Variants in PPM1L observed in about 807,000 individuals in gnomAD.
PPM1L encodes protein phosphatase, Mg2+/Mn2+ dependent 1L.
A neutral mutation model predicts 31.4 loss-of-function variants in PPM1L; 13 were observed. That is an observed-to-expected ratio of 0.41 (90% CI 0.27 to 0.66). PPM1L has a LOEUF of 0.66. PPM1L is among the 30% of genes least tolerant of loss of function. PPM1L has a pLI of 0.29. For synonymous variants in PPM1L, 184 were observed against 175.4 expected (o/e 1.05, Z -0.39); for missense variants, 326 against 453.7 (o/e 0.72, Z 2.56).
At chr3:160,759,914 G>A (rs868756855) in intron 1 of PPM1L, among the ~76,000 whole-genome samples, 4 of 152,128 alleles carry the variant, frequency 2.6e-5, no homozygotes, top group Non-Finnish European at 4.4e-5. Context: ...CCTGTAAGGT[G>A]CACCTTCATC....
intron 2 of PPM1L, among the ~76,000 whole-genome samples, chr3:161,006,999 T>C (rs1717733394): frequency 6.6e-6 from 1 of 152,208 alleles, no homozygotes; most frequent in African/African-American, 2.4e-5. Context: ...TTCTTTCCTT[T>C]ATGCCATTAG....
intron 1 of PPM1L, among the ~76,000 whole-genome samples, chr3:160,871,485 A>C (rs1297262873): frequency 6.6e-6 from 1 of 152,246 alleles, no homozygotes; most frequent in Non-Finnish European, 1.5e-5. Context: ...TGAAGAGATT[A>C]AGATTAGAGA....
At chr3:160,982,789 C>T (rs1451500675) in intron 2 of PPM1L, among the ~76,000 whole-genome samples, 1 of 152,160 alleles carries the variant, frequency 6.6e-6, no homozygotes, top group Non-Finnish European at 1.5e-5. Context: ...AAATCTCCAC[C>T]TCTGATTCTC....
intron 1 of PPM1L, among the ~76,000 whole-genome samples, chr3:160,947,546 A>G (rs887803365): frequency 2.6e-5 from 4 of 152,000 alleles, no homozygotes; most frequent in African/African-American, 7.2e-5. Flanking sequence ...CAACCAGGCT[A>G]TTTAGGTTCT....
chr3:160,828,638 G>A (rs1713423358), intron 1 of PPM1L, among the ~76,000 whole-genome samples: 1 of 152,084 alleles, frequency 6.6e-6, no homozygotes, highest in Admixed American at 6.6e-5. Context: ...GTTTTGGTAG[G>A]AAGTGAGCGT....
At chr3:161,063,959 A>T (rs1165669067) in intron 2 of PPM1L, among the ~76,000 whole-genome samples, 1 of 152,144 alleles carries the variant, frequency 6.6e-6, no homozygotes, top group African/African-American at 2.4e-5. Flanking sequence ...CGTAAGTGGG[A>T]GTTGAACAAT....
intron 2 of PPM1L, among the ~76,000 whole-genome samples, chr3:161,032,690 TC>T (rs1385672366): frequency 9.1e-6 from 1 of 109,386 alleles, no homozygotes; most frequent in Non-Finnish European, 1.7e-5. Flanking sequence ...TACAGAGAAG[TC>T]CTTTTTTTTT....
intron 1 of PPM1L, among the ~76,000 whole-genome samples, chr3:160,886,797 G>A (rs1452843115): frequency 2.6e-5 from 4 of 152,052 alleles, no homozygotes; most frequent in Non-Finnish European, 1.5e-5. Flanking sequence ...AGGCCAGAGG[G>A]CCTCTTTTCC....
chr3:160,793,030 A>G (rs550823120), intron 1 of PPM1L, among the ~76,000 whole-genome samples: 1 of 152,194 alleles, frequency 6.6e-6, no homozygotes, highest in Non-Finnish European at 1.5e-5. Context: ...TAAAGTGCCT[A>G]TCATATCAAG....
chr3:160,901,018 T>C (rs1219841900), intron 1 of PPM1L, among the ~76,000 whole-genome samples: 2 of 152,158 alleles, frequency 1.3e-5, no homozygotes, highest in African/African-American at 4.8e-5. Context: ...ACACTATTTC[T>C]TGACTTGCTT....
chr3:160,868,973 G>C (rs1712199261), intron 1 of PPM1L, among the ~76,000 whole-genome samples: 4 of 152,128 alleles, frequency 2.6e-5, no homozygotes, highest in Admixed American at 2.6e-4. Flanking sequence ...CTCATTTTCA[G>C]GGAAGCCTCT....
intron 1 of PPM1L, among the ~76,000 whole-genome samples, chr3:160,869,977 A>G (rs1712245168): frequency 6.6e-6 from 1 of 151,954 alleles, no homozygotes; most frequent in Non-Finnish European, 1.5e-5. Flanking sequence ...GCTCTTGTCC[A>G]GCTGCCACTG....
intron 1 of PPM1L, among the ~76,000 whole-genome samples, chr3:160,907,929 C>T (rs978166638): frequency 1.3e-5 from 2 of 152,202 alleles, no homozygotes; most frequent in African/African-American, 4.8e-5. Flanking sequence ...CTTGGCCAAA[C>T]CTACGAGAAT....
intron 1 of PPM1L, among the ~76,000 whole-genome samples, chr3:160,848,174 A>G (rs1714140593): frequency 6.6e-6 from 1 of 152,222 alleles, no homozygotes; most frequent in African/African-American, 2.4e-5. Flanking sequence ...ATTCTGAATG[A>G]TAATAATTTG....
At chr3:160,812,682 A>G (rs1316284793) in intron 1 of PPM1L, among the ~76,000 whole-genome samples, 1 of 152,170 alleles carries the variant, frequency 6.6e-6, no homozygotes, top group Non-Finnish European at 1.5e-5. Flanking sequence ...ATGCAAAGAC[A>G]GGGTGTTCTC....
At chr3:160,932,057 G>A (rs1056321371) in intron 1 of PPM1L, among the ~76,000 whole-genome samples, 5 of 151,894 alleles carry the variant, frequency 3.3e-5, no homozygotes, top group African/African-American at 4.8e-5. Context: ...TTCAAAGCAG[G>A]GATCCAAGGG....
intron 1 of PPM1L, among the ~76,000 whole-genome samples, chr3:160,846,031 C>T (rs1470335074): frequency 1.3e-5 from 2 of 151,954 alleles, no homozygotes; most frequent in East Asian, 1.9e-4. Context: ...TATAAAGGTG[C>T]TTCATAATAC....
intron 1 of PPM1L, among the ~76,000 whole-genome samples, chr3:160,854,776 A>G (rs1711628623): frequency 6.6e-6 from 1 of 151,980 alleles, no homozygotes; most frequent in Non-Finnish European, 1.5e-5. Context: ...TAAAATGGCC[A>G]TATTGCCCAA....
intron 1 of PPM1L, among the ~76,000 whole-genome samples, chr3:160,762,949 T>C (rs575706180): frequency 5.3e-5 from 8 of 152,318 alleles, no homozygotes; most frequent in Admixed American, 4.6e-4. Flanking sequence ...GTTAAGTATA[T>C]TTATTTGAAA....
Sources: gnomAD v4.1 joint callset for allele counts (sites outside exome capture counted in the v4.1 genomes callset) on GRCh38, gnomAD v4.1.1 for gene constraint, MANE v1.5 for transcripts, NCBI Gene and HGNC (gene_info 2026-07-23, HGNC 2026-07-21) for gene names.